Variants in KCNG3 observed in about 807,000 individuals in gnomAD.
KCNG3 encodes potassium voltage-gated channel modifier subfamily G member 3.
KCNG3 carries 15 observed loss-of-function variants against 29.0 expected under a neutral mutation model. The observed-to-expected ratio is 0.52, with a 90% CI of 0.35 to 0.80. The LOEUF is 0.80. KCNG3 is among the 30% of genes least tolerant of loss of function. The pLI is 0.01. For missense variants in KCNG3, 512 were observed against 605.7 expected (o/e 0.85, Z 1.62); for synonymous variants, 322 against 248.9 (o/e 1.29, Z -2.76).
At chr2:42,480,693 G>C (rs1364467233) in intron 1 of KCNG3, among the ~76,000 whole-genome samples, 2 of 147,302 alleles carry the variant, frequency 1.4e-5, no homozygotes, top group Non-Finnish European at 3.0e-5. Context: ...TCATAAGGCT[G>C]AGATAGGAAG....
At chr2:42,422,817 T>C in the KCNG3 span, among the ~76,000 whole-genome samples, 1 of 152,134 alleles carries the variant, frequency 6.6e-6, no homozygotes, top group Non-Finnish European at 1.5e-5. Flanking sequence ...AAAGCCCCCA[T>C]AAGCGCCTAG....
intron 1 of KCNG3, among the ~76,000 whole-genome samples, chr2:42,453,639 T>C (rs1044197915): frequency 1.3e-5 from 2 of 152,206 alleles, no homozygotes; most frequent in East Asian, 3.8e-4. Flanking sequence ...TTGCAAATAT[T>C]TTCTCCCATT....
At chr2:42,492,699 G>C in intron 1 of KCNG3, 138 bp downstream of exon 1, 1 of 618,962 alleles carries the variant, frequency 1.6e-6, no homozygotes. Context: ...CCCGTAGTTG[G>C]CCGCGCCTGG....
chr2:42,397,992 G>A, the KCNG3 span, among the ~76,000 whole-genome samples: 1 of 152,088 alleles, frequency 6.6e-6, no homozygotes, highest in Non-Finnish European at 1.5e-5. Flanking sequence ...GGGAGGCCGA[G>A]GCAGGCAGAG....
chr2:42,493,887 G>C lies in KCNG3; in HGVS notation c.-386C>G, dbSNP rs1673998671. Reference sequence around the variant, plus strand: ...CCCTGAGGGCTGCGGGCGCCGAATGGAGCCGCCGGGGCGGAATAGCTCCCC... The same window carrying C: ...CCCTGAGGGCTGCGGGCGCCGAATGCAGCCGCCGGGGCGGAATAGCTCCCC... On this transcript the variant is annotated 5_prime_UTR_variant, in exon 1 of 2. Transcript: ENST00000306078. 5.8e-6 allele frequency: 1 copy of C among 171,508 alleles called. No individual in the cohort carries two copies. Among genetic ancestry groups the C allele is most frequent in the Non-Finnish European group, 1.2e-5 (1 of 81,106 alleles). 10.6% of individuals were successfully genotyped at this position (171,508 alleles called of 1,614,324 possible). A position where few individuals can be genotyped will look rare whatever the true frequency, so the allele number is the denominator to read the frequency against.
rs1572873674 is a variant in KCNG3, at chr2:42,493,579, T to C, written c.-78A>G. 1.7e-6 allele frequency: 2 copies of C among 1,210,920 alleles called. No homozygotes were observed. Among genetic ancestry groups the C allele is most frequent in the African/African-American group, 1.6e-5 (1 of 63,352 alleles). 75.0% of individuals were successfully genotyped at this position (1,210,920 alleles called of 1,614,324 possible). A position where few individuals can be genotyped will look rare whatever the true frequency, so the allele number is the denominator to read the frequency against. On this transcript the variant is annotated 5_prime_UTR_variant, in exon 1 of 2. Coordinates refer to ENST00000306078, the MANE Select transcript of KCNG3 (RefSeq NM_133329.6). ...CCCAAGCCGCCACGCGGGGCCTGCC[T>C]GCCCGTGGCTGACGGGGGAGCGCGC...
chr2:42,419,248 T>A, the KCNG3 span, among the ~76,000 whole-genome samples: 2 of 128,796 alleles, frequency 1.6e-5, no homozygotes, highest in Non-Finnish European at 3.2e-5. Context: ...TTTTTTTTTT[T>A]TTTTTGAGAT....
the KCNG3 span, among the ~76,000 whole-genome samples, chr2:42,394,476 C>T: frequency 1.3e-5 from 2 of 152,174 alleles, no homozygotes; most frequent in Admixed American, 1.3e-4. Context: ...CCTTGTCACA[C>T]CTACACCCTT....
At chr2:42,434,218 A>G in the KCNG3 span, among the ~76,000 whole-genome samples, 1 of 152,182 alleles carries the variant, frequency 6.6e-6, no homozygotes, top group African/African-American at 2.4e-5. Flanking sequence ...TTGGGATGCT[A>G]AGGTGTGAGG....
At chr2:42,486,757 C>T (rs1004311654) in intron 1 of KCNG3, among the ~76,000 whole-genome samples, 17 of 152,206 alleles carry the variant, frequency 1.1e-4, no homozygotes, top group African/African-American at 4.1e-4. Flanking sequence ...CCACTAACTG[C>T]CCAGCTCCAT....
chr2:42,424,396 G>C, the KCNG3 span, among the ~76,000 whole-genome samples: 2 of 151,348 alleles, frequency 1.3e-5, no homozygotes, highest in Non-Finnish European at 2.9e-5. Context: ...TGAAAGATGG[G>C]GGTTCGGGAT....
At chr2:42,421,682 G>A in the KCNG3 span, among the ~76,000 whole-genome samples, 7 of 152,076 alleles carry the variant, frequency 4.6e-5, no homozygotes, top group Non-Finnish European at 1.0e-4. Flanking sequence ...ACTAGGAGTT[G>A]CAAATGGAGA....
chr2:42,396,217 A>G, the KCNG3 span, among the ~76,000 whole-genome samples: 190 of 152,324 alleles, frequency 1.2e-3, 1 homozygote, highest in Non-Finnish European at 2.4e-3. Context: ...TTGCAAATTC[A>G]AAAAAATCAT....
chr2:42,434,432 C>A, the KCNG3 span, among the ~76,000 whole-genome samples: 2 of 122,344 alleles, frequency 1.6e-5, no homozygotes, highest in Non-Finnish European at 3.2e-5. Context: ...GCACTCCAGC[C>A]TGGGCAACAG....
At chr2:42,456,872 TAG>T (rs902727900) in intron 1 of KCNG3, among the ~76,000 whole-genome samples, 2 of 152,198 alleles carry the variant, frequency 1.3e-5, no homozygotes, top group Non-Finnish European at 2.9e-5. Flanking sequence ...CTTCATTACC[TAG>T]AGTCTTTCAT....
intron 1 of KCNG3, among the ~76,000 whole-genome samples, chr2:42,464,454 T>C (rs538302362): frequency 6.6e-4 from 101 of 152,248 alleles, no homozygotes; most frequent in African/African-American, 2.4e-3. Flanking sequence ...AGTGTTTTAG[T>C]CTATAGTCAT....
At chr2:42,399,529 C>CATTT in the KCNG3 span, among the ~76,000 whole-genome samples, 12 of 152,148 alleles carry the variant, frequency 7.9e-5, no homozygotes, top group East Asian at 3.9e-4. Context: ...TCCCATGCAG[C>CATTT]ATTTATTTAT....
intron 1 of KCNG3, among the ~76,000 whole-genome samples, chr2:42,472,729 G>T (rs1673319105): frequency 6.6e-6 from 1 of 151,290 alleles, no homozygotes; most frequent in African/African-American, 2.4e-5. Context: ...CAAACTATTG[G>T]CCTCAGGTGA....
chr2:42,402,119 T>C, the KCNG3 span, among the ~76,000 whole-genome samples: 5 of 152,106 alleles, frequency 3.3e-5, no homozygotes, highest in South Asian at 4.2e-4. Context: ...AGAAACTGAA[T>C]AGAACACAAA....
Sources: gnomAD v4.1 joint callset for allele counts (sites outside exome capture counted in the v4.1 genomes callset) on GRCh38, gnomAD v4.1.1 for gene constraint, MANE v1.5 for transcripts, NCBI Gene and HGNC (gene_info 2026-07-23, HGNC 2026-07-21) for gene names.